CNTNAP2: variants seen among roughly 807,000 people sequenced by gnomAD.
CNTNAP2 encodes the protein contactin-associated protein-like 2.
Under a neutral mutation model 155.2 loss-of-function variants are expected in CNTNAP2, and 98 were observed. The ratio of observed to expected loss-of-function variants is 0.63; its 90% CI spans 0.54 to 0.75. The LOEUF (loss-of-function observed/expected upper bound fraction) is 0.75, where lower values mean the gene tolerates loss of function less well. Among genes scored for constraint, CNTNAP2 ranks in the 30% least tolerant of loss-of-function variants. The pLI, the probability that CNTNAP2 is intolerant of heterozygous loss-of-function variation, is 0.00. For synonymous variants in CNTNAP2, 651 were observed against 631.2 expected, an observed-to-expected ratio of 1.03 and a Z score of -0.47; for missense variants, 1,727 against 1,688.1, an observed-to-expected ratio of 1.02 and a Z score of -0.40.
intron 1 of CNTNAP2, among the ~76,000 whole-genome samples, chr7:146,477,938 G>A (rs1237863616): frequency 2.0e-5 from 3 of 151,958 alleles, no homozygotes; most frequent in South Asian, 2.1e-4. Context: ...AAGCACACAC[G>A]GCCCCTCATA....
chr7:147,122,650 G>A (rs1205862254), intron 6 of CNTNAP2: 2 of 152,106 alleles, frequency 1.3e-5, no homozygotes, highest in Non-Finnish European at 2.9e-5. Flanking sequence ...CACAAAGACA[G>A]CACATCATTA....
chr7:147,448,190 G>A (rs1192199025), intron 10 of CNTNAP2, among the ~76,000 whole-genome samples: 3 of 151,852 alleles, frequency 2.0e-5, no homozygotes, highest in Non-Finnish European at 4.4e-5. Flanking sequence ...TCTTCCCTCT[G>A]TTTCTGAAAA....
chr7:147,456,280 G>A (rs1435735156), intron 10 of CNTNAP2, among the ~76,000 whole-genome samples: 2 of 152,020 alleles, frequency 1.3e-5, no homozygotes. Flanking sequence ...CCTACAACTT[G>A]GGGAGACAGA....
intron 3 of CNTNAP2, among the ~76,000 whole-genome samples, chr7:147,004,077 C>T (rs1235023735): frequency 6.6e-6 from 1 of 151,520 alleles, no homozygotes; most frequent in African/African-American, 2.4e-5. Context: ...TAATTAGGTA[C>T]AATAACAATA....
At chr7:147,789,773 C>T (rs779389141) in intron 13 of CNTNAP2, among the ~76,000 whole-genome samples, 2 of 152,170 alleles carry the variant, frequency 1.3e-5, no homozygotes, top group Non-Finnish European at 2.9e-5. Context: ...TCATCTTTCT[C>T]CCATGCTGGA....
intron 18 of CNTNAP2, among the ~76,000 whole-genome samples, chr7:148,184,818 G>A (rs1219514027): frequency 1.3e-5 from 2 of 152,134 alleles, no homozygotes; most frequent in Non-Finnish European, 1.5e-5. Flanking sequence ...TAGGCATTCT[G>A]TTTCTTTATA....
In CNTNAP2 at chr7:146,470,481, A is replaced by G. The variant is rs150017333; in HGVS notation, c.98-303790A>G. 9.2e-5 allele frequency among the ~76,000 whole-genome samples: 14 copies of G among 152,244 alleles called. No homozygotes were observed. The East Asian group carries it at 2.5e-3, about 27-fold the overall frequency. On this transcript the variant is annotated intron_variant, in intron 1 of 23. Coordinates refer to ENST00000361727, the MANE Select transcript of CNTNAP2 (RefSeq NM_014141.6). ...TTCTCTGCCTGGTGGAGACTTGCCCAGATATTGCCTCTTCTTTCCTGAATG... is the reference window on the plus strand; with the variant it reads ...TTCTCTGCCTGGTGGAGACTTGCCCGGATATTGCCTCTTCTTTCCTGAATG...
intron 10 of CNTNAP2, among the ~76,000 whole-genome samples, chr7:147,482,720 C>CAATAAATAAATAAATA (rs71527814): frequency 3.6e-5 from 5 of 138,314 alleles, no homozygotes; most frequent in African/African-American, 1.4e-4. Context: ...GATTCCGTCT[C>CAATAAATAAATAAATA]AATAAATAAA....
chr7:147,503,868 A>C (rs534209886), intron 11 of CNTNAP2, among the ~76,000 whole-genome samples: 2 of 152,254 alleles, frequency 1.3e-5, no homozygotes, highest in African/African-American at 4.8e-5. Context: ...TTGTTGATTA[A>C]ATTTTTCATT....
chr7:146,390,412 C>T (rs1299144152), intron 1 of CNTNAP2, among the ~76,000 whole-genome samples: 1 of 151,836 alleles, frequency 6.6e-6, no homozygotes, highest in Non-Finnish European at 1.5e-5. Flanking sequence ...TTGACGACTG[C>T]AAAGTGTCAC....
chr7:147,859,782 G>A (rs1308938503), intron 13 of CNTNAP2, among the ~76,000 whole-genome samples: 2 of 152,124 alleles, frequency 1.3e-5, no homozygotes, highest in Non-Finnish European at 2.9e-5. Flanking sequence ...AAAAGTAAAA[G>A]AAATAAAGCA....
chr7:147,467,075 C>T (rs1380119091), intron 10 of CNTNAP2, among the ~76,000 whole-genome samples: 3 of 152,106 alleles, frequency 2.0e-5, no homozygotes, highest in Non-Finnish European at 4.4e-5. Flanking sequence ...ACTTTTTAAG[C>T]AAAATCACAC....
chr7:146,490,046 T>A (rs28739443), intron 1 of CNTNAP2, among the ~76,000 whole-genome samples: 4,948 of 152,230 alleles, frequency 0.033, 260 homozygotes, highest in African/African-American at 0.11. Context: ...CTCAATCCAG[T>A]CCATAGATTT....
chr7:146,472,630 C>A (rs1338684071), intron 1 of CNTNAP2, among the ~76,000 whole-genome samples: 1 of 152,062 alleles, frequency 6.6e-6, no homozygotes, highest in Non-Finnish European at 1.5e-5. Flanking sequence ...ATATGTGTAT[C>A]CAAGCTTTAA....
intron 3 of CNTNAP2, among the ~76,000 whole-genome samples, chr7:146,867,991 G>A (rs374733225): frequency 7.2e-5 from 11 of 151,988 alleles, no homozygotes; most frequent in African/African-American, 2.4e-4. Flanking sequence ...TCTGTTGATA[G>A]TTTCTTTTGC....
chr7:148,163,144 A>G (rs1805582503), intron 17 of CNTNAP2, among the ~76,000 whole-genome samples: 2 of 152,212 alleles, frequency 1.3e-5, no homozygotes, highest in Admixed American at 1.3e-4. Context: ...GCCTTATATG[A>G]TGTAAGCCCA....
rs1270691832 is a variant in CNTNAP2, at chr7:146,671,671, G to A, written c.98-102600G>A. Among the ~76,000 whole-genome samples, 4 of 151,918 alleles carry A rather than the reference G, an allele frequency of 2.6e-5. No homozygotes were observed. In the East Asian group the frequency reaches 5.8e-4, roughly 22 times the overall value. On this transcript the variant is annotated intron_variant, in intron 1 of 23. Coordinates refer to ENST00000361727, the MANE Select transcript of CNTNAP2 (RefSeq NM_014141.6). ...AAATAAGTTAAATAATTCCTATACA[G>A]CCTTCAGGACAATGCCTAAACCAGA...
intron 11 of CNTNAP2, among the ~76,000 whole-genome samples, chr7:147,512,061 T>C (rs1415697339): frequency 1.3e-5 from 2 of 152,180 alleles, no homozygotes; most frequent in African/African-American, 4.8e-5. Context: ...AGATACAAAC[T>C]GGACACATTT....
chr7:146,348,772 G>T (rs147591272), intron 1 of CNTNAP2, among the ~76,000 whole-genome samples: 3 of 149,094 alleles, frequency 2.0e-5, no homozygotes, highest in African/African-American at 7.4e-5. Context: ...CCAAACAATG[G>T]GTGTTAAGAT....
Sources: allele counts gnomAD v4.1 joint callset (sites outside exome capture counted in the v4.1 genomes callset), GRCh38; gene constraint gnomAD v4.1.1; transcripts MANE v1.5; gene names NCBI Gene and HGNC (gene_info 2026-07-23, HGNC 2026-07-21).